The following ALG6 variants were observed in gnomAD, a reference collection of about 807,000 sequenced individuals.
The protein encoded by ALG6 is ALG6 alpha-1,3-glucosyltransferase.
A neutral mutation model predicts 66.6 loss-of-function variants in ALG6; 46 were observed. The observed-to-expected ratio is 0.69, with a 90% CI of 0.55 to 0.88. The LOEUF (loss-of-function observed/expected upper bound fraction) is 0.88, where lower values mean the gene tolerates loss of function less well. Among genes scored for constraint, ALG6 ranks in the 40% least tolerant of loss-of-function variants. The probability of loss-of-function intolerance (pLI) is 0.00; values close to 1 mark genes in which losing one functional copy is unlikely to be tolerated. For missense variants in ALG6, 505 were observed against 586.8 expected, an observed-to-expected ratio of 0.86 and a Z score of 1.44; for synonymous variants, 185 against 203.7, an observed-to-expected ratio of 0.91 and a Z score of 0.78.
intron 11 of ALG6, among the ~76,000 whole-genome samples, chr1:63,418,672 A>G (rs963574006): frequency 2.0e-5 from 3 of 152,148 alleles, no homozygotes; most frequent in Admixed American, 2.0e-4. Context: ...AGTGTTACCA[A>G]TTAGGAGATT....
chr1:63,368,030 T>G (rs1375947009), intron 1 of ALG6, among the ~76,000 whole-genome samples: 1 of 152,012 alleles, frequency 6.6e-6, no homozygotes, highest in East Asian at 1.9e-4. Flanking sequence ...CTCCCCGGTG[T>G]TGTGTCCACT....
chr1:63,399,258 A>C (rs1644431335), intron 3 of ALG6, among the ~76,000 whole-genome samples: 1 of 152,226 alleles, frequency 6.6e-6, no homozygotes, highest in South Asian at 2.1e-4. Flanking sequence ...AGTGAGAGGC[A>C]GTCTGTCTAG....
chr1:63,374,553 G>A (rs1010416457), intron 2 of ALG6, among the ~76,000 whole-genome samples: 6 of 151,882 alleles, frequency 4.0e-5, no homozygotes, highest in Non-Finnish European at 7.4e-5. Flanking sequence ...GCTTGAACCT[G>A]GAAGGCAGAG....
In ALG6 at chr1:63,411,148, A is replaced by G. The variant is rs1644513748; in HGVS notation, c.497A>G (p.Tyr166Cys). 3.7e-6 allele frequency: 6 copies of G among 1,613,682 alleles called. No homozygotes were observed. The highest frequency in any genetic ancestry group is 4.2e-6 in the Non-Finnish European group (5 of 1,179,826). The part of the protein sequence containing the change: ...LILIDYGHFQ[Y>C]NSVSLGFALW... ...TAATTTCCTTGACACAGGAACATATATAATTCTGTGAGTCTTGGCTTTGCT... is the reference window on the plus strand; with the variant it reads ...TAATTTCCTTGACACAGGAACATATGTAATTCTGTGAGTCTTGGCTTTGCT... The change falls in exon 8 of 15, where the codon TAT becomes TGT. Residue 166 changes from tyrosine to cysteine, a missense_variant and splice_region_variant. By Grantham distance (194) the Tyr-to-Cys change is radical. Transcript: ENST00000263440.
At chr1:63,427,198 A>G (rs995987894) in intron 12 of ALG6, among the ~76,000 whole-genome samples, 1 of 136,596 alleles carries the variant, frequency 7.3e-6, no homozygotes, top group Non-Finnish European at 1.6e-5. Flanking sequence ...TATTTTTAGT[A>G]GAGACGGGGT....
chr1:63,371,505 G>T (rs554770297), intron 2 of ALG6, among the ~76,000 whole-genome samples: 2 of 152,192 alleles, frequency 1.3e-5, no homozygotes, highest in Admixed American at 6.5e-5. Context: ...AACTCTGCAG[G>T]TACCTATTTA....
intron 2 of ALG6, among the ~76,000 whole-genome samples, chr1:63,373,156 A>G (rs1407217845): frequency 6.6e-6 from 1 of 151,302 alleles, no homozygotes; most frequent in Non-Finnish European, 1.5e-5. Flanking sequence ...ACAGGCGTGC[A>G]CCACGACGCC....
rs377038188 is a variant in ALG6, at chr1:63,407,117, G to C, written c.485G>C (p.Gly162Ala). 1 of 1,605,166 alleles carries C rather than the reference G, an allele frequency of 6.2e-7. No homozygotes were observed. The highest frequency in any genetic ancestry group is 8.5e-7 in the Non-Finnish European group (1 of 1,172,556). The change falls in exon 7 of 15, where the codon GGA becomes GCA. Residue 162 changes from glycine to alanine, a missense_variant. Coordinates refer to ENST00000263440, the MANE Select transcript of ALG6 (RefSeq NM_013339.4). ...LYPGLILIDY[G>A]HFQYNSVSLG... ...CCAGGCCTTATTCTTATAGACTATGGACATTTTCAGTATCCTTTACTAATG... is the reference window on the plus strand; with the variant it reads ...CCAGGCCTTATTCTTATAGACTATGCACATTTTCAGTATCCTTTACTAATG...
chr1:63,419,815 C>A (rs1223775200), intron 12 of ALG6, among the ~76,000 whole-genome samples: 3 of 151,580 alleles, frequency 2.0e-5, no homozygotes, highest in African/African-American at 7.3e-5. Context: ...CCATTTACTT[C>A]CATGGGGTCT....
chr1:63,412,428 A>G (rs1316332429), intron 9 of ALG6, among the ~76,000 whole-genome samples: 3 of 152,160 alleles, frequency 2.0e-5, no homozygotes, highest in African/African-American at 7.2e-5. Context: ...TGTTCCATCA[A>G]TAGGTAATAT....
rs769414669 is a variant in ALG6, at chr1:63,428,726, A to C, written c.1059-7A>C. On this transcript the variant is annotated splice_region_variant and splice_polypyrimidine_tract_variant and intron_variant, in intron 12 of 14. Transcript: ENST00000263440. ...ATATTAAAATATTTTTTTCTTTACG[A>C]TTTTAGACCAGTCTGCTTAGTTTTA... 1.3e-6 allele frequency: 2 copies of C among 1,587,430 alleles called. No homozygotes were observed. Among genetic ancestry groups the C allele is most frequent in the African/African-American group, 2.7e-5 (2 of 74,100 alleles).
At chr1:63,412,186 A>G in intron 9 of ALG6, 125 bp downstream of exon 9, 10 of 1,414,916 alleles carry the variant, frequency 7.1e-6, no homozygotes, top group Non-Finnish European at 9.9e-6. Flanking sequence ...ATTCCTTGCC[A>G]GTTATTGCTT....
intron 12 of ALG6, among the ~76,000 whole-genome samples, chr1:63,422,175 T>C (rs1403760751): frequency 8.7e-6 from 1 of 115,068 alleles, no homozygotes; most frequent in Non-Finnish European, 1.7e-5. Flanking sequence ...AACTATGAAT[T>C]TATATTTATA....
chr1:63,435,878 T>C (rs1644676167), intron 14 of ALG6, among the ~76,000 whole-genome samples: 1 of 152,172 alleles, frequency 6.6e-6, no homozygotes, highest in South Asian at 2.1e-4. Flanking sequence ...GTATAGCACA[T>C]TGGCCTAGAG....
chr1:63,376,814 C>G (rs1206754650), intron 2 of ALG6, among the ~76,000 whole-genome samples: 1 of 151,878 alleles, frequency 6.6e-6, no homozygotes, highest in Non-Finnish European at 1.5e-5. Flanking sequence ...ATTCAATAAC[C>G]CAATATTATT....
chr1:63,415,707 G>T (rs1644542880), intron 10 of ALG6, among the ~76,000 whole-genome samples, 166 bp from the exon 11 acceptor site: 1 of 151,678 alleles, frequency 6.6e-6, no homozygotes, highest in South Asian at 2.1e-4. Flanking sequence ...TGTAGATTTT[G>T]TTTAAATGTT....
At chr1:63,391,105 A>G (rs1648661887) in intron 2 of ALG6, among the ~76,000 whole-genome samples, 1 of 152,102 alleles carries the variant, frequency 6.6e-6, no homozygotes, top group African/African-American at 2.4e-5. Context: ...TTGTTTTTTA[A>G]TATGCTTATT....
In ALG6 at chr1:63,437,421, G is replaced by A. The variant is rs767630230; in HGVS notation, c.*401G>A. ...AGACCATATAGTGAGCTTCATGGGA[G>A]AATTGAGCCCCTTCTTTTTAATGGA... On this transcript the variant is annotated 3_prime_UTR_variant, in exon 15 of 15. Transcript: ENST00000263440. 7.4e-5 allele frequency: 13 copies of A among 174,736 alleles called. No individual in the cohort carries two copies. Among genetic ancestry groups the A allele is most frequent in the Non-Finnish European group, 1.2e-4 (10 of 82,186 alleles). The allele number at this position is 174,736 out of a possible 1,614,324, so 10.8% of individuals were successfully genotyped here.
intron 2 of ALG6, among the ~76,000 whole-genome samples, chr1:63,384,650 T>A (rs1648442312): frequency 6.6e-6 from 1 of 152,230 alleles, no homozygotes; most frequent in Admixed American, 6.5e-5. Context: ...TAATCCATTT[T>A]GATTTGATTT....
Sources: gnomAD v4.1 joint callset for allele counts (sites outside exome capture counted in the v4.1 genomes callset) on GRCh38, gnomAD v4.1.1 for gene constraint, MANE v1.5 for transcripts, NCBI Gene and HGNC (gene_info 2026-07-23, HGNC 2026-07-21) for gene names.